Variants in KCNH1 observed in about 807,000 individuals in gnomAD.
The protein encoded by KCNH1 is potassium voltage-gated channel subfamily H member 1.
Under a neutral mutation model 69.2 loss-of-function variants are expected in KCNH1, and 27 were observed. The observed-to-expected ratio is 0.39, with a 90% CI of 0.29 to 0.54. The LOEUF (loss-of-function observed/expected upper bound fraction) is 0.54, where lower values mean the gene tolerates loss of function less well. Among genes scored for constraint, KCNH1 ranks in the 20% least tolerant of loss-of-function variants. KCNH1 has a pLI of 0.68. For synonymous variants in KCNH1, 456 were observed against 487.7 expected, an observed-to-expected ratio of 0.93 and a Z score of 0.86; for missense variants, 798 against 1,261.6, an observed-to-expected ratio of 0.63 and a Z score of 5.57.
intron 10 of KCNH1, among the ~76,000 whole-genome samples, chr1:210,759,308 A>C (rs867764844): frequency 5.9e-5 from 9 of 152,288 alleles, no homozygotes; most frequent in Middle Eastern, 3.4e-3. Flanking sequence ...CAAGCAATGG[A>C]TCTGAGCCAG....
intron 7 of KCNH1, among the ~76,000 whole-genome samples, chr1:210,842,927 G>A (rs1685440907): frequency 6.6e-6 from 1 of 152,130 alleles, no homozygotes; most frequent in African/African-American, 2.4e-5. Context: ...AGAACTCTAA[G>A]AAGGCTTTGT....
chr1:210,716,949 G>A (rs1682271393), intron 10 of KCNH1, among the ~76,000 whole-genome samples: 1 of 152,172 alleles, frequency 6.6e-6, no homozygotes, highest in Non-Finnish European at 1.5e-5. Flanking sequence ...GTGGGCCCTG[G>A]AAGAGGGCAT....
rs879189690 is a variant in KCNH1, at chr1:210,684,043, A to G, written c.2208T>C (p.Pro736=). The part of the protein sequence containing the change: ...EAPLILPPDH[P]VRRLFQRFRQ... ...GGAATCTCTGGAAGAGGCGCCGGAC[A>G]GGGTGGTCCGGGGGCAAGATCAGGG... The change falls in exon 11 of 11, where the codon CCT becomes CCC. Residue 736 remains proline (P), a synonymous_variant. Coordinates refer to ENST00000271751, the MANE Select transcript of KCNH1 (RefSeq NM_172362.3). 13 of 1,561,758 alleles carry G rather than the reference A, an allele frequency of 8.3e-6. No individual in the cohort carries two copies. The highest frequency in any genetic ancestry group is 1.7e-4 in the Middle Eastern group (1 of 5,806).
intron 10 of KCNH1, among the ~76,000 whole-genome samples, chr1:210,701,025 C>A (rs993081773): frequency 1.3e-5 from 2 of 152,162 alleles, no homozygotes; most frequent in Admixed American, 1.3e-4. Flanking sequence ...GCAAGCTCCA[C>A]CTCCCGGGTT....
rs887064754 is a variant in KCNH1 at position 210,916,562 on chromosome 1, G to A, written c.1462+3078C>T. Among the ~76,000 whole-genome samples, 8 of 152,262 alleles carry A rather than the reference G, an allele frequency of 5.3e-5. No individual in the cohort carries two copies. The East Asian group carries it at 9.6e-4, about 18-fold the overall frequency. Reference sequence around the variant, plus strand: ...GTTGGGGTCTGTGTTGTTAGACCACGCTACCACAGGAGAGAGATCTGGATC... The same window carrying A: ...GTTGGGGTCTGTGTTGTTAGACCACACTACCACAGGAGAGAGATCTGGATC... On this transcript the variant is annotated intron_variant, in intron 7 of 10. Coordinates refer to ENST00000271751, the MANE Select transcript of KCNH1 (RefSeq NM_172362.3).
At chr1:210,995,455 G>A (rs1689011990) in intron 6 of KCNH1, among the ~76,000 whole-genome samples, 1 of 152,188 alleles carries the variant, frequency 6.6e-6, no homozygotes, top group East Asian at 1.9e-4. Context: ...TGGAAAGCAT[G>A]AGGATTAAGA....
rs1571584248 is a variant in KCNH1, at chr1:211,020,883, A to G, written c.559-1627T>C. On this transcript the variant is annotated intron_variant, in intron 5 of 10. Transcript: ENST00000271751. ...TGCATCACATCAGCAGTAGGGAAAA[A>G]AAAATGATTATCTCAATAGATGCAG... Among the ~76,000 whole-genome samples, 3 of 152,292 alleles carry G rather than the reference A, an allele frequency of 2.0e-5. No individual in the cohort carries two copies. In the East Asian group the frequency reaches 5.8e-4, roughly 29 times the overall value.
intron 10 of KCNH1, among the ~76,000 whole-genome samples, chr1:210,711,554 T>C (rs1050949967): frequency 6.6e-6 from 1 of 152,184 alleles, no homozygotes; most frequent in Non-Finnish European, 1.5e-5. Flanking sequence ...CCTTTCCTCC[T>C]CCTCTTTGCC....
intron 7 of KCNH1, among the ~76,000 whole-genome samples, chr1:210,877,068 T>TAAA (rs10673335): frequency 0.24 from 34,377 of 143,824 alleles, 4,411 homozygotes; most frequent in African/African-American, 0.34. Flanking sequence ...TCCTCTGAAT[T>TAAA]AAAAAAAAAA....
intron 7 of KCNH1, among the ~76,000 whole-genome samples, chr1:210,821,150 T>G (rs574840384): frequency 6.6e-6 from 1 of 152,318 alleles, no homozygotes; most frequent in South Asian, 2.1e-4. Context: ...CCTCACCTTG[T>G]TTTACCTATA....
rs117305974 is a variant in KCNH1 at position 210,780,012 on chromosome 1, T to G, written c.1916-4468A>C. Among the ~76,000 whole-genome samples, 181 of 152,224 alleles carry G rather than the reference T, an allele frequency of 1.2e-3. 6 individuals carry two copies. The East Asian group carries it at 0.033, about 27-fold the overall frequency. ...AGCCCCTGCAGGCAATTTGGTTAAATGAAGGGCAAAGGCTAGAACAGCCAG... is the reference window on the plus strand; with the variant it reads ...AGCCCCTGCAGGCAATTTGGTTAAAGGAAGGGCAAAGGCTAGAACAGCCAG... On this transcript the variant is annotated intron_variant, in intron 9 of 10. Transcript: ENST00000271751.
chr1:210,841,780 C>A (rs1050945263), intron 7 of KCNH1, among the ~76,000 whole-genome samples: 1 of 152,060 alleles, frequency 6.6e-6, no homozygotes, highest in Non-Finnish European at 1.5e-5. Context: ...TTTCTAAGGA[C>A]CAATGAACCC....
intron 1 of KCNH1, among the ~76,000 whole-genome samples, chr1:211,109,037 G>C (rs1253189706): frequency 6.6e-6 from 1 of 152,124 alleles, no homozygotes; most frequent in East Asian, 1.9e-4. Flanking sequence ...GTCTCAGAGG[G>C]GATAATATTT....
intron 5 of KCNH1, among the ~76,000 whole-genome samples, chr1:211,034,777 T>C (rs1689863109): frequency 6.6e-6 from 1 of 152,148 alleles, no homozygotes; most frequent in Non-Finnish European, 1.5e-5. Context: ...ATTGCGTGTT[T>C]TCAAGATACA....
rs145906138 is a variant in KCNH1 at position 210,713,625 on chromosome 1, G to C, written c.2113-29487C>G. ...AGGTGTCAGGGGTTAGGGAAGGGAT[G>C]GGGGGAAGAACATCCCATCCGTCTG... is the stretch of plus-strand genomic sequence containing the variant. On this transcript the variant is annotated intron_variant, in intron 10 of 10. Coordinates refer to ENST00000271751, the MANE Select transcript of KCNH1 (RefSeq NM_172362.3). Among the ~76,000 whole-genome samples the C allele has an allele frequency of 5.7e-3, 869 of 152,214 alleles. 6 individuals carry two copies. The highest frequency in any genetic ancestry group is 9.0e-3 in the Admixed American group (138 of 15,272).
chr1:211,008,562 A>C (rs1314208831), intron 6 of KCNH1, among the ~76,000 whole-genome samples: 1 of 152,272 alleles, frequency 6.6e-6, no homozygotes, highest in African/African-American at 2.4e-5. Flanking sequence ...AGCCAGGTAC[A>C]AAAAGATTAC....
At chr1:211,112,689 C>A (rs1015057662) in intron 1 of KCNH1, among the ~76,000 whole-genome samples, 2 of 152,002 alleles carry the variant, frequency 1.3e-5, no homozygotes, top group Non-Finnish European at 2.9e-5. Flanking sequence ...GCAATTATAG[C>A]TCTAGGGAGC....
Position 211,082,911 on chromosome 1 carries a change from G to A in KCNH1, c.440-13C>T, listed in dbSNP as rs1311597698. 1 of 1,608,030 alleles carries A rather than the reference G, an allele frequency of 6.2e-7. No homozygotes were observed. Among genetic ancestry groups the A allele is most frequent in the East Asian group, 2.2e-5 (1 of 44,846 alleles). On this transcript the variant is annotated splice_polypyrimidine_tract_variant and intron_variant, in intron 4 of 10. Coordinates refer to ENST00000271751, the MANE Select transcript of KCNH1 (RefSeq NM_172362.3). The stretch of plus-strand genomic sequence containing the variant: ...AACTTCCCCCAGCCTGAAGCAAGTG[G>A]AAGAGTGAAAAGACAGGGTCAACCA...
intron 7 of KCNH1, among the ~76,000 whole-genome samples, chr1:210,910,289 A>AT (rs1268747576): frequency 1.3e-5 from 2 of 151,860 alleles, no homozygotes; most frequent in South Asian, 2.1e-4. Context: ...AAAAAAAAAA[A>AT]AAAAAATCAT....
Sources: gnomAD v4.1 joint callset for allele counts (sites outside exome capture counted in the v4.1 genomes callset) on GRCh38, gnomAD v4.1.1 for gene constraint, MANE v1.5 for transcripts, NCBI Gene and HGNC (gene_info 2026-07-23, HGNC 2026-07-21) for gene names.